The following CACNA1B variants were observed in gnomAD, a reference collection of about 807,000 sequenced individuals.
CACNA1B encodes the protein voltage-dependent N-type calcium channel subunit alpha-1B.
Under a neutral mutation model 247.2 loss-of-function variants are expected in CACNA1B, and 70 were observed. The ratio of observed to expected loss-of-function variants is 0.28; its 90% CI spans 0.23 to 0.35. The LOEUF (loss-of-function observed/expected upper bound fraction) is 0.35, where lower values mean the gene tolerates loss of function less well. Among genes scored for constraint, CACNA1B ranks in the 10% least tolerant of loss-of-function variants. CACNA1B has a pLI of 1.00. For synonymous variants in CACNA1B, 1,231 were observed against 1,294.4 expected, an observed-to-expected ratio of 0.95 and a Z score of 1.05; for missense variants, 2,367 against 3,197.4, an observed-to-expected ratio of 0.74 and a Z score of 6.26.
intron 6 of CACNA1B, among the ~76,000 whole-genome samples, chr9:137,927,876 T>G (rs947312775): frequency 2.0e-5 from 3 of 152,226 alleles, no homozygotes; most frequent in Non-Finnish European, 4.4e-5. Context: ...ACATGTGTTT[T>G]CTGCACTGAT....
At chr9:137,984,281 G>A (rs199715772) in intron 13 of CACNA1B, 31 bp downstream of exon 13, 3 of 1,481,244 alleles carry the variant, frequency 2.0e-6, no homozygotes, top group African/African-American at 1.4e-5. Context: ...GGCGAGGGCA[G>A]GTGTAGGGTG....
At chr9:137,958,492 GC>G (rs778261852) in intron 10 of CACNA1B, among the ~76,000 whole-genome samples, 39 of 152,222 alleles carry the variant, frequency 2.6e-4, no homozygotes, top group African/African-American at 8.9e-4. Context: ...TCTGATTCTA[GC>G]CCCCCTTGTC....
intron 20 of CACNA1B, 57 bp from the exon 21 acceptor site, chr9:138,043,715 ACG>A: frequency 6.2e-7 from 1 of 1,601,354 alleles, no homozygotes; most frequent in East Asian, 2.2e-5. Flanking sequence ...GGAGGGAGCC[ACG>A]CAACGTGGGC....
At chr9:138,015,308 C>G (rs1958777559) in intron 18 of CACNA1B, among the ~76,000 whole-genome samples, 1 of 152,206 alleles carries the variant, frequency 6.6e-6, no homozygotes, top group Non-Finnish European at 1.5e-5. Flanking sequence ...ATTTCCGCCA[C>G]AAGAGACCCT....
At chr9:137,993,135 C>A (rs996096184) in intron 15 of CACNA1B, among the ~76,000 whole-genome samples, 2 of 151,968 alleles carry the variant, frequency 1.3e-5, no homozygotes, top group Non-Finnish European at 2.9e-5. Flanking sequence ...ACTGAAGAAA[C>A]AAGAACAATC....
intron 10 of CACNA1B, among the ~76,000 whole-genome samples, chr9:137,969,169 CA>C (rs1958115947): frequency 6.6e-6 from 1 of 152,202 alleles, no homozygotes; most frequent in South Asian, 2.1e-4. Context: ...TGAGGGGCTG[CA>C]CCCAGCTCTC....
At chr9:137,911,943 G>T (rs183927523) in intron 3 of CACNA1B, among the ~76,000 whole-genome samples, 1 of 152,308 alleles carries the variant, frequency 6.6e-6, no homozygotes, top group East Asian at 1.9e-4. Context: ...GGTGCGATCC[G>T]CTGAGGGGAA....
intron 20 of CACNA1B, among the ~76,000 whole-genome samples, chr9:138,040,170 C>A (rs1230852712): frequency 6.6e-6 from 1 of 152,096 alleles, no homozygotes. Context: ...AACTCCTGGG[C>A]TCAAGTGATC....
chr9:138,000,331 C>T (rs956294874), intron 15 of CACNA1B, among the ~76,000 whole-genome samples: 2 of 152,242 alleles, frequency 1.3e-5, no homozygotes, highest in Admixed American at 6.5e-5. Flanking sequence ...ATCTCCTGAC[C>T]TCGTGATCAG....
At chr9:137,960,050 G>A (rs932909233) in intron 10 of CACNA1B, among the ~76,000 whole-genome samples, 45 of 150,944 alleles carry the variant, frequency 3.0e-4, no homozygotes, top group East Asian at 5.9e-4. Flanking sequence ...CCTGAGGGAC[G>A]CCGGGGCGGG....
At chr9:138,016,922 C>T (rs1958800138) in intron 18 of CACNA1B, among the ~76,000 whole-genome samples, 1 of 152,224 alleles carries the variant, frequency 6.6e-6, no homozygotes, top group Admixed American at 6.5e-5. Context: ...TGTCTCACTT[C>T]AGTCTCACTT....
At chr9:138,048,079 G>A (rs537232296) in intron 23 of CACNA1B, among the ~76,000 whole-genome samples, 10 of 152,314 alleles carry the variant, frequency 6.6e-5, no homozygotes, top group African/African-American at 1.9e-4. Context: ...GCCGGCATGC[G>A]TGCACACAGG....
At chr9:138,111,567 A>G (rs111664594) in intron 39 of CACNA1B, among the ~76,000 whole-genome samples, 75 of 152,370 alleles carry the variant, frequency 4.9e-4, no homozygotes, top group African/African-American at 1.7e-3. Context: ...CGGTGCTGCT[A>G]GGCACATGGG....
chr9:137,918,433 G>A (rs534106841), intron 6 of CACNA1B, among the ~76,000 whole-genome samples: 6 of 152,196 alleles, frequency 3.9e-5, no homozygotes, highest in South Asian at 2.1e-4. Context: ...AGGGTCAGGC[G>A]CCTGTGGGTC....
Position 138,010,150 on chromosome 9 carries a change from G to A in CACNA1B, c.2160+73G>A. 7.8e-7 allele frequency: 1 copy of A among 1,288,954 alleles called. No homozygotes were observed. Among genetic ancestry groups the A allele is most frequent in the Non-Finnish European group, 1.1e-6 (1 of 886,672 alleles). 79.8% of individuals were successfully genotyped at this position (1,288,954 alleles called of 1,614,324 possible). A position where few individuals can be genotyped will look rare whatever the true frequency, so the allele number is the denominator to read the frequency against. On this transcript the variant is annotated intron_variant, in intron 17 of 46. Transcript: ENST00000371372. This position sits in a 1 kb window ranked among gnomAD's most constrained non-coding sequence, Gnocchi z 5.3. ...GTGGCCGCAGCCAGGAAGAGTCTGG[G>A]TCCTGGGTTAGGGCCTCGTGTCCAG...
chr9:138,096,818 A>G (rs1564284452), intron 37 of CACNA1B, among the ~76,000 whole-genome samples: 1 of 145,050 alleles, frequency 6.9e-6, no homozygotes, highest in Non-Finnish European at 1.5e-5. Flanking sequence ...GCCTTCGCGC[A>G]GTGGCCCGGA....
chr9:137,914,861 A>C lies in CACNA1B; in HGVS notation c.775+55A>C, dbSNP rs2133279642. 6.3e-7 allele frequency: 1 copy of C among 1,596,506 alleles called. No individual in the cohort carries two copies. The highest frequency in any genetic ancestry group is 2.2e-5 in the East Asian group (1 of 44,688). On this transcript the variant is annotated intron_variant, in intron 5 of 46. Transcript: ENST00000371372. The surrounding 1 kb of genome is among the most constrained non-coding windows in gnomAD (Gnocchi z 4.3). ...GCAAGTGCCACGGATGCGTTCATCC[A>C]GGAGATGGGCACTGTTCTAGGTGCT...
At chr9:137,910,675 C>G (rs1176761451) in intron 3 of CACNA1B, among the ~76,000 whole-genome samples, 1 of 152,134 alleles carries the variant, frequency 6.6e-6, no homozygotes, top group Non-Finnish European at 1.5e-5. Flanking sequence ...CTAGATCCCT[C>G]ACATGTGCAG....
chr9:137,937,947 CAAAAAAA>C (rs57680122), intron 6 of CACNA1B, among the ~76,000 whole-genome samples: 29 of 21,924 alleles, frequency 1.3e-3, no homozygotes, highest in Admixed American at 0.01. Context: ...AACTCTGTCT[CAAAAAAA>C]AAAAAAAAAA....
Sources: allele counts gnomAD v4.1 joint callset (sites outside exome capture counted in the v4.1 genomes callset), GRCh38; gene constraint gnomAD v4.1.1; non-coding constraint Gnocchi (gnomAD v3.1); transcripts MANE v1.5; gene names NCBI Gene and HGNC (gene_info 2026-07-23, HGNC 2026-07-21).